SKA2: variants seen among roughly 807,000 people sequenced by gnomAD.
The protein encoded by SKA2 is spindle and kinetochore-associated protein 2.
A neutral mutation model predicts 16.9 loss-of-function variants in SKA2; 13 were observed. The observed-to-expected ratio is 0.77, with a 90% confidence interval of 0.50 to 1.22. The LOEUF (loss-of-function observed/expected upper bound fraction) is 1.22. Ranked by LOEUF, SKA2 falls within the 50% of genes most tolerant of loss-of-function variation. The pLI is 0.00. For synonymous variants in SKA2, 47 were observed against 48.5 expected, an observed-to-expected ratio of 0.97 and a Z score of 0.13; for missense variants, 107 against 139.7, an observed-to-expected ratio of 0.77 and a Z score of 1.18.
chr17:59,141,715 C>A (rs926206295), intron 1 of SKA2, among the ~76,000 whole-genome samples: 1 of 146,392 alleles, frequency 6.8e-6, no homozygotes. Flanking sequence ...CAGAACGAGA[C>A]CTTGTCTCAA....
chr17:59,147,139 CAA>C (rs1426366605), intron 1 of SKA2, among the ~76,000 whole-genome samples: 1 of 151,916 alleles, frequency 6.6e-6, no homozygotes, highest in Non-Finnish European at 1.5e-5. Context: ...GCCTGGACAA[CAA>C]GAGCAAAACG....
At chr17:59,116,650 GAT>G (rs1675326407) in intron 3 of SKA2, among the ~76,000 whole-genome samples, 2 of 151,966 alleles carry the variant, frequency 1.3e-5, no homozygotes, top group Non-Finnish European at 2.9e-5. Flanking sequence ...TACCTGAACA[GAT>G]ATACATTCTG....
At chr17:59,131,408 C>A in intron 1 of SKA2, 41 bp from the exon 2 acceptor site, 1 of 1,306,442 alleles carries the variant, frequency 7.7e-7, no homozygotes, top group Non-Finnish European at 1.0e-6. Flanking sequence ...AACCAAAAGA[C>A]TAATAGTAAA....
At chr17:59,149,700 A>G (rs1343949573) in intron 1 of SKA2, among the ~76,000 whole-genome samples, 1 of 152,236 alleles carries the variant, frequency 6.6e-6, no homozygotes, top group Non-Finnish European at 1.5e-5. Context: ...TACAATGAAT[A>G]CTACTCAGCA....
chr17:59,117,578 CTTTTTCTTT>C (rs1223774336), intron 3 of SKA2, among the ~76,000 whole-genome samples: 12 of 151,030 alleles, frequency 7.9e-5, no homozygotes, highest in South Asian at 2.1e-4. Flanking sequence ...TTTTCTTCTT[CTTTTTCTTT>C]TTTTTCTTTT....
intron 2 of SKA2, among the ~76,000 whole-genome samples, chr17:59,127,135 TA>T (rs1040339579): frequency 6.6e-4 from 100 of 152,018 alleles, no homozygotes; most frequent in African/African-American, 2.4e-3. Flanking sequence ...GTTTAATGGA[TA>T]TACAGTTACA....
At chr17:59,148,484 CAT>C (rs752444795) in intron 1 of SKA2, among the ~76,000 whole-genome samples, 1 of 152,050 alleles carries the variant, frequency 6.6e-6, no homozygotes, top group Non-Finnish European at 1.5e-5. Context: ...GTGGCACAAT[CAT>C]GGCTCACTGC....
chr17:59,117,593 CT>C (rs112188258), intron 3 of SKA2, among the ~76,000 whole-genome samples: 164 of 143,322 alleles, frequency 1.1e-3, no homozygotes, highest in African/African-American at 1.9e-3. Flanking sequence ...TCTTTTTTTT[CT>C]TTTTTTTTTT....
At position 59,126,211 on chromosome 17, in the gene SKA2, T is replaced by A. The variant is rs1045485109; in HGVS notation, c.120+5070A>T. On this transcript the variant is annotated intron_variant, in intron 2 of 3. Transcript: ENST00000330137. The stretch of plus-strand genomic sequence containing the variant: ...ATAAATAAATAAATAAATAAATAAA[T>A]AAAATTATGTTTCTGGAACAAATAA... Among the ~76,000 whole-genome samples, 11 of 151,974 alleles carry A rather than the reference T, an allele frequency of 7.2e-5. No homozygotes were observed. The South Asian group carries it at 8.3e-4, about 11-fold the overall frequency.
At chr17:59,137,283 G>T (rs2046453149) in intron 1 of SKA2, among the ~76,000 whole-genome samples, 1 of 152,154 alleles carries the variant, frequency 6.6e-6, no homozygotes, top group Non-Finnish European at 1.5e-5. Flanking sequence ...CTCTCAAAGT[G>T]CTGGAACTAC....
chr17:59,137,453 C>T (rs1262381126), intron 1 of SKA2, among the ~76,000 whole-genome samples: 5 of 152,130 alleles, frequency 3.3e-5, no homozygotes, highest in African/African-American at 7.2e-5. Flanking sequence ...TAAAAGAATT[C>T]GGATACATGG....
At chr17:59,123,126 G>A (rs1241545063) in intron 2 of SKA2, among the ~76,000 whole-genome samples, 2 of 150,724 alleles carry the variant, frequency 1.3e-5, no homozygotes, top group East Asian at 1.9e-4. Flanking sequence ...TGTGAAGAAA[G>A]GAAAGCAGAC....
intron 1 of SKA2, among the ~76,000 whole-genome samples, chr17:59,145,829 A>G (rs1346414742): frequency 6.6e-6 from 1 of 152,052 alleles, no homozygotes; most frequent in East Asian, 1.9e-4. Context: ...CCTCTAAAAA[A>G]GTTTTTTAAA....
chr17:59,150,573 C>CA (rs2046569484), intron 1 of SKA2, among the ~76,000 whole-genome samples: 1 of 152,032 alleles, frequency 6.6e-6, no homozygotes, highest in Non-Finnish European at 1.5e-5. Flanking sequence ...CCTGTCTCCA[C>CA]AAAAAATTTC....
chr17:59,140,447 T>C (rs1243534257), intron 1 of SKA2, among the ~76,000 whole-genome samples: 1 of 151,944 alleles, frequency 6.6e-6, no homozygotes, highest in Non-Finnish European at 1.5e-5. Context: ...CAGGCTGGTC[T>C]CGAACTCCTG....
intron 2 of SKA2, among the ~76,000 whole-genome samples, chr17:59,126,348 T>A (rs984831774): frequency 2.0e-5 from 3 of 152,080 alleles, no homozygotes; most frequent in Non-Finnish European, 4.4e-5. Context: ...TGCCTCCAAA[T>A]CACGAGGGGT....
intron 3 of SKA2, among the ~76,000 whole-genome samples, chr17:59,118,641 TTC>T (rs1310738097): frequency 6.6e-6 from 1 of 152,182 alleles, no homozygotes; most frequent in Non-Finnish European, 1.5e-5. Flanking sequence ...CTGTTTTAAA[TTC>T]TGTCTCCCCA....
At chr17:59,139,688 C>T (rs1437357238) in intron 1 of SKA2, among the ~76,000 whole-genome samples, 1 of 152,042 alleles carries the variant, frequency 6.6e-6, no homozygotes, top group Non-Finnish European at 1.5e-5. Flanking sequence ...CTTCAATGTA[C>T]ATTTAGAAAC....
At chr17:59,153,963 A>T (rs1157874101) in intron 1 of SKA2, among the ~76,000 whole-genome samples, 1 of 151,618 alleles carries the variant, frequency 6.6e-6, no homozygotes, top group East Asian at 1.9e-4. Context: ...GTATAGACGG[A>T]GTTTCACCAT....
Sources: allele counts gnomAD v4.1 joint callset (sites outside exome capture counted in the v4.1 genomes callset), GRCh38; gene constraint gnomAD v4.1.1; transcripts MANE v1.5; gene names NCBI Gene and HGNC (gene_info 2026-07-23, HGNC 2026-07-21).